The following THSD4 variants were observed in gnomAD, a reference collection of about 807,000 sequenced individuals.
The protein encoded by THSD4 is thrombospondin type 1 domain containing 4.
THSD4 carries 69 observed loss-of-function variants against 119.0 expected under a neutral mutation model. The ratio of observed to expected loss-of-function variants is 0.58; its 90% confidence interval spans 0.48 to 0.71. THSD4 has a LOEUF of 0.71. Among genes scored for constraint, THSD4 ranks in the 30% least tolerant of loss-of-function variants. The probability of loss-of-function intolerance (pLI) is 0.00; values close to 1 mark genes in which losing one functional copy is unlikely to be tolerated. For missense variants in THSD4, 1,393 were observed against 1,391.1 expected (o/e 1.00, Z -0.02); for synonymous variants, 524 against 540.4 (o/e 0.97, Z 0.42).
At chr15:71,688,611 T>C (rs763419720) in intron 8 of THSD4, among the ~76,000 whole-genome samples, 38 of 152,166 alleles carry the variant, frequency 2.5e-4, no homozygotes, top group Non-Finnish European at 4.3e-4. Context: ...TTAAAAATAG[T>C]AACATTCTTC....
intron 7 of THSD4, among the ~76,000 whole-genome samples, chr15:71,629,311 C>T (rs778235036): frequency 1.3e-5 from 2 of 152,192 alleles, no homozygotes; most frequent in Non-Finnish European, 2.9e-5. Context: ...TGGATTGCAA[C>T]AAACTGGGCC....
intron 7 of THSD4, among the ~76,000 whole-genome samples, chr15:71,656,109 C>T (rs1206845896): frequency 1.3e-5 from 2 of 152,102 alleles, no homozygotes; most frequent in African/African-American, 4.8e-5. Context: ...AGGAGACTAT[C>T]GGCTGCTTTA....
intron 6 of THSD4, among the ~76,000 whole-genome samples, chr15:71,265,176 A>G (rs1278837826): frequency 6.6e-6 from 1 of 152,048 alleles, no homozygotes; most frequent in Non-Finnish European, 1.5e-5. Context: ...ATGGTCAAGT[A>G]GAAACGGCTC....
chr15:71,403,374 G>A (rs938073816), intron 6 of THSD4, among the ~76,000 whole-genome samples: 1 of 152,042 alleles, frequency 6.6e-6, no homozygotes, highest in Non-Finnish European at 1.5e-5. Flanking sequence ...AAATTATAAG[G>A]CATTACTCAA....
chr15:71,139,178 C>T (rs1166388251), intron 1 of THSD4, among the ~76,000 whole-genome samples: 1 of 152,180 alleles, frequency 6.6e-6, no homozygotes, highest in African/African-American at 2.4e-5. Context: ...CATCCCTCTA[C>T]AGCGATTCTG....
At chr15:71,647,539 G>A (rs1272736538) in intron 7 of THSD4, among the ~76,000 whole-genome samples, 6 of 152,176 alleles carry the variant, frequency 3.9e-5, no homozygotes, top group Non-Finnish European at 8.8e-5. Context: ...AGAATAATAA[G>A]GAATTATCTT....
intron 6 of THSD4, among the ~76,000 whole-genome samples, chr15:71,391,574 T>C (rs1308662236): frequency 6.6e-6 from 1 of 152,104 alleles, no homozygotes; most frequent in Non-Finnish European, 1.5e-5. Context: ...AAAAAGCCAG[T>C]GTCACACACC....
chr15:71,398,207 G>A (rs2046477539), intron 6 of THSD4, among the ~76,000 whole-genome samples: 1 of 152,200 alleles, frequency 6.6e-6, no homozygotes, highest in South Asian at 2.1e-4. Context: ...AGAATAGAAT[G>A]TGGGACACGC....
At chr15:71,287,255 C>T (rs1451932397) in intron 6 of THSD4, among the ~76,000 whole-genome samples, 1 of 152,160 alleles carries the variant, frequency 6.6e-6, no homozygotes, top group Non-Finnish European at 1.5e-5. Context: ...CTTGTCTTTA[C>T]AGAAGGAAAT....
rs368384340 is a variant in THSD4 at position 71,601,197 on chromosome 15, T to C, written c.1153-59333T>C. ...CATGTGATGACAGAGCAAGAGCCAT[T>C]ACCATTCTGTTCTACTAAAGACTAT... On this transcript the variant is annotated intron_variant, in intron 7 of 17. Coordinates refer to ENST00000261862, the MANE Select transcript of THSD4 (RefSeq NM_024817.3). 2.0e-3 allele frequency among the ~76,000 whole-genome samples: 303 copies of C among 152,342 alleles called. 18 individuals are homozygous for C. The South Asian group carries it at 0.055, about 27-fold the overall frequency.
chr15:71,341,526 A>G (rs781778744), intron 6 of THSD4: 1 of 1,611,846 alleles, frequency 6.2e-7, no homozygotes, highest in Non-Finnish European at 8.5e-7. Context: ...CCACCGTTGT[A>G]ATGTCGGAAT....
chr15:71,640,901 CG>C (rs2050844346), intron 7 of THSD4, among the ~76,000 whole-genome samples: 1 of 152,012 alleles, frequency 6.6e-6, no homozygotes, highest in Admixed American at 6.6e-5. Flanking sequence ...GCTAGGCACA[CG>C]GTCGATGTTT....
chr15:71,534,761 C>A (rs1344421985), intron 7 of THSD4, among the ~76,000 whole-genome samples: 1 of 152,132 alleles, frequency 6.6e-6, no homozygotes, highest in South Asian at 2.1e-4. Context: ...GGCGGATCAC[C>A]TGAGTTCAGG....
intron 6 of THSD4, among the ~76,000 whole-genome samples, chr15:71,295,911 C>T (rs1415760717): frequency 6.6e-6 from 1 of 152,212 alleles, no homozygotes; most frequent in Non-Finnish European, 1.5e-5. Context: ...GAATCATGCA[C>T]TGTGTGGTCT....
chr15:71,173,567 C>CATATATATAT (rs57882308), intron 3 of THSD4, among the ~76,000 whole-genome samples: 3 of 145,938 alleles, frequency 2.1e-5, no homozygotes, highest in African/African-American at 7.6e-5. Flanking sequence ...CACACACACA[C>CATATATATAT]ATATATATAT....
At chr15:71,568,707 A>G (rs2049291020) in intron 7 of THSD4, among the ~76,000 whole-genome samples, 1 of 151,920 alleles carries the variant, frequency 6.6e-6, no homozygotes, top group African/African-American at 2.4e-5. Flanking sequence ...CGTCATTTAC[A>G]TTAGATATAT....
intron 15 of THSD4, 82 bp from the exon 16 acceptor site, chr15:71,764,938 G>A (rs563742708): frequency 7.8e-5 from 117 of 1,500,618 alleles, no homozygotes; most frequent in African/African-American, 7.1e-4. Context: ...GACGGTGCCC[G>A]TCATAAGCAT....
rs1055623057 is a variant in THSD4, at chr15:71,165,040, C to T, written c.99+10108C>T. The T allele has an allele frequency of 4.3e-5, 68 of 1,589,414 alleles. 1 individual carries two copies. In the Admixed American group the frequency reaches 6.0e-4, roughly 14 times the overall value. ...TATTCCACATCTCTCCCAGTTTCTT[C>T]GCAACATCACCAATGGACAGGCCAG... On this transcript the variant is annotated intron_variant, in intron 3 of 17. Transcript: ENST00000261862.
At chr15:71,682,858 T>G (rs984321545) in intron 8 of THSD4, among the ~76,000 whole-genome samples, 1 of 17,882 alleles carries the variant, frequency 5.6e-5, no homozygotes, top group East Asian at 9.6e-4. Flanking sequence ...TTTTGCTACT[T>G]TCTTTCTTTC....
Sources: allele counts gnomAD v4.1 joint callset (sites outside exome capture counted in the v4.1 genomes callset), GRCh38; gene constraint gnomAD v4.1.1; transcripts MANE v1.5; gene names NCBI Gene and HGNC (gene_info 2026-07-23, HGNC 2026-07-21).